CELSR2: variants seen among roughly 807,000 people sequenced by gnomAD.
The protein encoded by CELSR2 is cadherin EGF LAG seven-pass G-type receptor 2, also known as EGF-like protein 2.
CELSR2 carries 81 observed loss-of-function variants against 251.6 expected under a neutral mutation model. The ratio of observed to expected loss-of-function variants is 0.32; its 90% CI spans 0.27 to 0.39. The LOEUF is 0.39. Ranked by LOEUF, CELSR2 falls within the 10% of genes least tolerant of loss-of-function variation. The probability of loss-of-function intolerance (pLI) is 1.00; values close to 1 mark genes in which losing one functional copy is unlikely to be tolerated. For missense variants in CELSR2, 3,365 were observed against 3,947.7 expected, an observed-to-expected ratio of 0.85 and a Z score of 3.96; for synonymous variants, 1,721 against 1,670.5, an observed-to-expected ratio of 1.03 and a Z score of -0.74.
intron 23 of CELSR2, 97 bp downstream of exon 23, chr1:109,270,230 T>C (rs1402488296): frequency 1.5e-6 from 2 of 1,375,766 alleles, no homozygotes; most frequent in Non-Finnish European, 2.0e-6. Context: ...TGAACTCTAA[T>C]AAGGTGCCTA....
In CELSR2 at chr1:109,271,273, G is replaced by A. The variant is rs980344662; in HGVS notation, c.7653G>A (p.Gln2551=). 2.5e-6 allele frequency: 4 copies of A among 1,613,906 alleles called. No homozygotes were observed. Among genetic ancestry groups the A allele is most frequent in the African/African-American group, 1.3e-5 (1 of 74,926 alleles). The part of the protein sequence containing the change: ...AARASCAAQR[Q]GFEKKGPVSG... ...GGGCCTCCTGTGCTGCCCAGCGGCA[G>A]GGCTTTGAGAAGAAAGGTCCTGTGT... The change falls in exon 26 of 34, where the codon CAG becomes CAA. Residue 2551 remains glutamine (Q), a synonymous_variant. Transcript: ENST00000271332.
chr1:109,252,062 A>G lies in CELSR2; in HGVS notation c.1983A>G (p.Gln661=). The change falls in exon 1 of 34, where the codon CAA becomes CAG. Residue 661 remains glutamine, a synonymous_variant. Coordinates refer to ENST00000271332, the MANE Select transcript of CELSR2 (RefSeq NM_001408.3). The surrounding 1 kb of genome is among the most constrained non-coding windows in gnomAD (Gnocchi z 4.8). ...GAAACCGCTTCTCCATCACCAGCCA[A>G]AGTGGTGGTGGGCTGGTATCCCTTG... The part of the protein sequence containing the change: ...NTRNRFSITS[Q]SGGGLVSLAL... 6.2e-7 allele frequency: 1 copy of G among 1,614,046 alleles called. No homozygotes were observed. The highest frequency in any genetic ancestry group is 8.5e-7 in the Non-Finnish European group (1 of 1,180,008).
Position 109,252,700 on chromosome 1 carries a change from G to T in CELSR2, c.2621G>T (p.Arg874Leu), listed in dbSNP as rs1557727230. 1 of 1,613,904 alleles carries T rather than the reference G, an allele frequency of 6.2e-7. No individual in the cohort carries two copies. Among genetic ancestry groups the T allele is most frequent in the Admixed American group, 1.7e-5 (1 of 60,008 alleles). The change falls in exon 1 of 34, where the codon CGA (arginine) becomes CTA (leucine). Residue 874 changes from arginine (R) to leucine (L), a missense_variant. Arg to Leu is a moderately radical substitution (Grantham distance 102). This residue lies in a region of CELSR2 where 505 missense variants were observed against 660.0 expected (regional missense o/e 0.77). Transcript: ENST00000271332. This position sits in a 1 kb window ranked among gnomAD's most constrained non-coding sequence, Gnocchi z 4.8. ...FIVESTSGIV[R>L]TLRRLDRENV... ...GTTGAGTCCACGTCAGGCATCGTGCGAACGCTACGGAGGCTGGATCGAGAG... is the reference window on the plus strand; with the variant it reads ...GTTGAGTCCACGTCAGGCATCGTGCTAACGCTACGGAGGCTGGATCGAGAG...
In CELSR2 at chr1:109,263,279, G is replaced by C; in HGVS notation, c.4834+12G>C. 1 of 1,563,046 alleles carries C rather than the reference G, an allele frequency of 6.4e-7. No individual in the cohort carries two copies. The highest frequency in any genetic ancestry group is 8.7e-7 in the Non-Finnish European group (1 of 1,147,228). On this transcript the variant is annotated intron_variant, in intron 8 of 33. Coordinates refer to ENST00000271332, the MANE Select transcript of CELSR2 (RefSeq NM_001408.3). The stretch of plus-strand genomic sequence containing the variant: ...GAGCTGCGCCCAGGGTAGGAGGGGC[G>C]GCTGTTAGAGGCCACAGCCTGGGTG...
chr1:109,252,035 T>C lies in CELSR2; in HGVS notation c.1956T>C (p.Thr652=), dbSNP rs542246449. The part of the protein sequence containing the change: ...VITYQITSGN[T]RNRFSITSQS... ...CCTACCAGATCACCAGTGGCAATAC[T>C]CGAAACCGCTTCTCCATCACCAGCC... is the stretch of plus-strand genomic sequence containing the variant. The change falls in exon 1 of 34, where the codon ACT becomes ACC. Residue 652 remains threonine, a synonymous_variant. Coordinates refer to ENST00000271332, the MANE Select transcript of CELSR2 (RefSeq NM_001408.3). The surrounding 1 kb of genome is among the most constrained non-coding windows in gnomAD (Gnocchi z 4.8). 6.2e-6 allele frequency: 10 copies of C among 1,614,034 alleles called. No individual in the cohort carries two copies. In the African/African-American group the frequency reaches 9.3e-5, roughly 15 times the overall value.
Position 109,271,380 on chromosome 1 carries a change from C to A in CELSR2, c.7677-6C>A. The A allele has an allele frequency of 6.2e-7, 1 of 1,613,096 alleles. No homozygotes were observed. Among genetic ancestry groups the A allele is most frequent in the Non-Finnish European group, 8.5e-7 (1 of 1,179,814 alleles). The stretch of plus-strand genomic sequence containing the variant: ...GGCCGGACTCATGGCCTGTCCCTAT[C>A]CCCAGCTCGGGCCTGCAGCCCTCCT... On this transcript the variant is annotated splice_region_variant and splice_polypyrimidine_tract_variant and intron_variant, in intron 26 of 33. Coordinates refer to ENST00000271332, the MANE Select transcript of CELSR2 (RefSeq NM_001408.3).
chr1:109,271,022 G>C lies in CELSR2; in HGVS notation c.7579G>C (p.Val2527Leu), dbSNP rs2101278849. 6.2e-7 allele frequency: 1 copy of C among 1,613,718 alleles called. No homozygotes were observed. The change falls in exon 25 of 34, where the codon GTG becomes CTG. Residue 2527 changes from valine to leucine, a missense_variant. Physicochemically the swap from Val to Leu is conservative, Grantham distance 32. Transcript: ENST00000271332. Reference protein sequence around the residue: ...DTLIWSFAGPVAFAVSMSVFL... With the variant: ...DTLIWSFAGPLAFAVSMSVFL... ...GCTCATCTGGAGTTTTGCTGGCCCG[G>C]TGGCCTTTGCCGTCTCGGTGAGTGC...
At chr1:109,258,137 C>G (rs1655910768) in intron 1 of CELSR2, among the ~76,000 whole-genome samples, 1 of 152,118 alleles carries the variant, frequency 6.6e-6, no homozygotes, top group Non-Finnish European at 1.5e-5. Flanking sequence ...GGTTCCCGCG[C>G]AGGCAGCACA....
rs1240771982 is a variant in CELSR2, at chr1:109,267,593, C to A, written c.6059C>A (p.Pro2020Gln). ...HCDEHRGWLPPNLFNCTSITF... is the reference protein window; with the variant it reads ...HCDEHRGWLPQNLFNCTSITF... ...GATGAGCACAGGGGGTGGCTCCCCC[C>A]AAACCTCTTCAACTGCACGTCCATC... The change falls in exon 16 of 34, where the codon CCA (proline) becomes CAA (glutamine). Residue 2020 changes from proline (P) to glutamine (Q), a missense_variant. Physicochemically the swap from Pro to Gln is moderately conservative, Grantham distance 76. Coordinates refer to ENST00000271332, the MANE Select transcript of CELSR2 (RefSeq NM_001408.3). The A allele has an allele frequency of 3.1e-6, 5 of 1,614,192 alleles. No homozygotes were observed. The highest frequency in any genetic ancestry group is 1.3e-5 in the African/African-American group (1 of 75,058).
chr1:109,264,608 A>C lies in CELSR2; in HGVS notation c.5444A>C (p.Tyr1815Ser), dbSNP rs750814082. Residue 1815 changes from tyrosine to serine, a missense_variant, in exon 11 of 34, where the codon TAT (tyrosine) becomes TCT (serine). Physicochemically the swap from Tyr to Ser is moderately radical, Grantham distance 144. Coordinates refer to ENST00000271332, the MANE Select transcript of CELSR2 (RefSeq NM_001408.3). ...TATTGCAGCAACGACTGGGACAGCTATTCCTGCAGCTGTGATCCAGGTATG... is the reference window on the plus strand; with the variant it reads ...TATTGCAGCAACGACTGGGACAGCTCTTCCTGCAGCTGTGATCCAGGTATG... ...NSYCSNDWDS[Y>S]SCSCDPGYYG... The C allele has an allele frequency of 1.2e-6, 2 of 1,613,298 alleles. No individual in the cohort carries two copies. The highest frequency in any genetic ancestry group is 1.3e-5 in the African/African-American group (1 of 74,932).
rs1656235438 is a variant in CELSR2 at position 109,267,545 on chromosome 1, C to T, written c.6014-3C>T. On this transcript the variant is annotated splice_region_variant and splice_polypyrimidine_tract_variant and intron_variant, in intron 15 of 33. Transcript: ENST00000271332. ...GCCGGCCCTTTTGGCTTCCTTCCCC[C>T]AGGGACTGCTGTGCGCCACTGTGAT... 1 of 1,613,268 alleles carries T rather than the reference C, an allele frequency of 6.2e-7. No individual in the cohort carries two copies. Among genetic ancestry groups the T allele is most frequent in the South Asian group, 1.1e-5 (1 of 91,032 alleles).
At chr1:109,262,218 G>A in intron 5 of CELSR2, 69 bp from the exon 6 acceptor site, 1 of 1,576,744 alleles carries the variant, frequency 6.3e-7, no homozygotes, top group Admixed American at 1.7e-5. Context: ...GGCACCCAGT[G>A]TGTGCTGGCC....
In CELSR2 at chr1:109,250,769, G is replaced by T. The variant is rs1404893620; in HGVS notation, c.690G>T (p.Gln230His). 2.5e-6 allele frequency: 4 copies of T among 1,614,116 alleles called. No homozygotes were observed. Among genetic ancestry groups the T allele is most frequent in the African/African-American group, 1.3e-5 (1 of 75,050 alleles). ...MDALFDSRSNQFFSLDPVTGA... is the reference protein window; with the variant it reads ...MDALFDSRSNHFFSLDPVTGA... ...CCCTCTTTGATAGCCGCTCCAACCA[G>T]TTCTTCTCCCTGGACCCAGTCACTG... The change falls in exon 1 of 34, where the codon CAG (glutamine) becomes CAT (histidine). Residue 230 changes from glutamine (Q) to histidine (H), a missense_variant. By Grantham distance (24) the Gln-to-His change is conservative (BLOSUM62 0). Transcript: ENST00000271332. This position sits in a 1 kb window ranked among gnomAD's most constrained non-coding sequence, Gnocchi z 4.4.
intron 6 of CELSR2, 56 bp from the exon 7 acceptor site, chr1:109,262,750 G>C: frequency 5.0e-6 from 8 of 1,588,650 alleles, no homozygotes; most frequent in Non-Finnish European, 6.9e-6. Context: ...CAGAGCGAGC[G>C]GAGGACCAGA....
At chr1:109,257,350 T>TAAAAA (rs71593475) in intron 1 of CELSR2, among the ~76,000 whole-genome samples, 1 of 135,826 alleles carries the variant, frequency 7.4e-6, no homozygotes, top group African/African-American at 2.7e-5. Context: ...GTCTGTCTCT[T>TAAAAA]AAAAAAAAAA....
chr1:109,260,874 A>G (rs1176362373), intron 2 of CELSR2, among the ~76,000 whole-genome samples, 168 bp from the exon 3 acceptor site: 1 of 152,126 alleles, frequency 6.6e-6, no homozygotes, highest in Non-Finnish European at 1.5e-5. Flanking sequence ...TGGGGACCAT[A>G]GGTCTCAGAG....
chr1:109,263,330 G>T, intron 8 of CELSR2, 63 bp downstream of exon 8: 4 of 1,527,950 alleles, frequency 2.6e-6, no homozygotes, highest in Non-Finnish European at 3.5e-6. Flanking sequence ...GAACTGGCAG[G>T]GTTGGGGCAG....
At position 109,273,348 on chromosome 1, in the gene CELSR2, A is replaced by AC; in HGVS notation, c.8509+17dup. On this transcript the variant is annotated intron_variant, in intron 32 of 33. Coordinates refer to ENST00000271332, the MANE Select transcript of CELSR2 (RefSeq NM_001408.3). ...CCAGCCTCACAAAGGTGAGTGGGGC[A>AC]CCCCCAGCTGCCGAGCTCCCCTAGT... 1 of 1,600,752 alleles carries AC rather than the reference A, an allele frequency of 6.2e-7. No homozygotes were observed. Among genetic ancestry groups the AC allele is most frequent in the Non-Finnish European group, 8.5e-7 (1 of 1,173,360 alleles).
intron 11 of CELSR2, 57 bp from the exon 12 acceptor site, chr1:109,264,811 G>A: frequency 1.2e-6 from 2 of 1,612,426 alleles, no homozygotes; most frequent in Middle Eastern, 1.7e-4. Flanking sequence ...GGGTTTGATG[G>A]AAGATGGTGC....
Sources: allele counts gnomAD v4.1 joint callset (sites outside exome capture counted in the v4.1 genomes callset), GRCh38; gene constraint gnomAD v4.1.1; regional missense constraint gnomAD v4.1.1; non-coding constraint Gnocchi (gnomAD v3.1); transcripts MANE v1.5; gene names NCBI Gene and HGNC (gene_info 2026-07-23, HGNC 2026-07-21).